The following BRCA1 variants were observed in gnomAD, a reference collection of about 807,000 sequenced individuals.
BRCA1 encodes BRCA1 DNA repair associated.
A neutral mutation model predicts 173.7 loss-of-function variants in BRCA1; 140 were observed. The observed-to-expected ratio is 0.81, with a 90% confidence interval of 0.70 to 0.93. The LOEUF (loss-of-function observed/expected upper bound fraction) is 0.93. Ranked by LOEUF, BRCA1 falls within the 40% of genes least tolerant of loss-of-function variation. The pLI, the probability that BRCA1 is intolerant of heterozygous loss-of-function variation, is 0.00. For missense variants in BRCA1, 1,983 were observed against 2,172.5 expected, an observed-to-expected ratio of 0.91 and a Z score of 1.73; for synonymous variants, 662 against 756.0, an observed-to-expected ratio of 0.88 and a Z score of 2.04.
chr17:43,107,443 C>A (rs2054847825), intron 3 of BRCA1, among the ~76,000 whole-genome samples: 1 of 147,640 alleles, frequency 6.8e-6, no homozygotes, highest in Non-Finnish European at 1.5e-5. Context: ...GGTAGTGACA[C>A]AATCTCAGCT....
rs2055682074 is a variant in BRCA1, at chr17:43,123,416, T to C, written c.80+601A>G. 4.2e-5 allele frequency among the ~76,000 whole-genome samples: 6 copies of C among 143,034 alleles called. No homozygotes were observed. The Admixed American group carries it at 4.3e-4, about 10-fold the overall frequency. 93.8% of individuals were successfully genotyped at this position (143,034 alleles called of 152,430 possible). A position where few individuals can be genotyped will look rare whatever the true frequency, so the allele number is the denominator to read the frequency against. ...CTGTCGCTGGAGTTCAGTGGTGCCA[T>C]ATTGGCTCACAGCAACATCTGCCTC... On this transcript the variant is annotated intron_variant, in intron 2 of 22. Coordinates refer to ENST00000357654, the MANE Select transcript of BRCA1 (RefSeq NM_007294.4).
chr17:43,100,666 A>ATTT (rs1204558486), intron 6 of BRCA1, among the ~76,000 whole-genome samples: 1 of 3,556 alleles, frequency 2.8e-4, no homozygotes, highest in African/African-American at 5.1e-4. Context: ...ACATATATAT[A>ATTT]TATATATATA....
Position 43,091,945 on chromosome 17 carries a change from T to C in BRCA1, c.3586A>G (p.Thr1196Ala). ...LSRSPSPFTHTHLAQGYRRGA... is the reference protein window; with the variant it reads ...LSRSPSPFTHAHLAQGYRRGA... ...CTTCGGTAACCCTGAGCCAAATGTG[T>C]ATGGGTGAAAGGGCTAGGACTCCTG... is the stretch of plus-strand genomic sequence containing the variant. Residue 1196 changes from threonine (T) to alanine (A), a missense_variant, in exon 10 of 23, where the codon ACA becomes GCA. Thr to Ala is a moderately conservative substitution (Grantham distance 58). Coordinates refer to ENST00000357654, the MANE Select transcript of BRCA1 (RefSeq NM_007294.4). 1 of 1,614,098 alleles carries C rather than the reference T, an allele frequency of 6.2e-7. No individual in the cohort carries two copies. The highest frequency in any genetic ancestry group is 1.1e-5 in the South Asian group (1 of 91,080).
chr17:43,140,996 C>G (rs988109668), intron 1 of BRCA1, among the ~76,000 whole-genome samples: 3 of 152,310 alleles, frequency 2.0e-5, no homozygotes, highest in Admixed American at 1.3e-4. Context: ...TAGCTGTTGG[C>G]CTTGTGTCCA....
intron 12 of BRCA1, among the ~76,000 whole-genome samples, chr17:43,079,030 T>C (rs916150382): frequency 5.3e-5 from 8 of 152,096 alleles, no homozygotes; most frequent in Non-Finnish European, 1.2e-4. Context: ...TGAAACCCTG[T>C]CTCTACTAAA....
intron 9 of BRCA1, 41 bp downstream of exon 9, chr17:43,095,794 ATCTACCCACTC>A: frequency 7.1e-7 from 1 of 1,418,340 alleles, no homozygotes; most frequent in Non-Finnish European, 9.9e-7. Flanking sequence ...ACAGTACTGT[ATCTACCCACTC>A]TCTTTTCAGT....
chr17:43,063,200 T>G, intron 18 of BRCA1, 133 bp downstream of exon 18: 1 of 796,438 alleles, frequency 1.3e-6, no homozygotes. Context: ...GCATAATTCT[T>G]GATGATCCTC....
At chr17:43,154,533 C>G (rs1474893141) in intron 1 of BRCA1, among the ~76,000 whole-genome samples, 2 of 151,948 alleles carry the variant, frequency 1.3e-5, no homozygotes, top group Non-Finnish European at 2.9e-5. Context: ...GAGCTAGACT[C>G]TGTCTCAAAA....
chr17:43,157,287 G>A (rs1361514297), intron 1 of BRCA1, among the ~76,000 whole-genome samples: 1 of 152,128 alleles, frequency 6.6e-6, no homozygotes, highest in Non-Finnish European at 1.5e-5. Context: ...TCATGATCAG[G>A]AATCACATAT....
At chr17:43,140,436 C>T (rs2056067335) in intron 1 of BRCA1, 1 of 192,976 alleles carries the variant, frequency 5.2e-6, no homozygotes, top group Non-Finnish European at 9.6e-6. Flanking sequence ...ATAGGTGATG[C>T]TTGGCCTTGC....
In BRCA1 at chr17:43,063,382, A is replaced by AAAAGG. The variant is rs2051874779; in HGVS notation, c.5153-10_5153-9insCCTTT. 1 of 1,609,780 alleles carries AAAAGG rather than the reference A, an allele frequency of 6.2e-7. No homozygotes were observed. The highest frequency in any genetic ancestry group is 1.3e-5 in the African/African-American group (1 of 74,818). ...AATAGACTGGGTCACCCCTAAAGAG[A>AAAAGG]TCATAGAAAAGACAGGTTACATACA... On this transcript the variant is annotated splice_polypyrimidine_tract_variant and intron_variant, in intron 17 of 22. Transcript: ENST00000357654.
At chr17:43,050,338 G>A (rs2051152806) in intron 20 of BRCA1, 1 of 363,576 alleles carries the variant, frequency 2.8e-6, no homozygotes, top group Non-Finnish European at 4.9e-6. Flanking sequence ...GCTGGGCACA[G>A]TGGCTCATGC....
intron 3 of BRCA1, among the ~76,000 whole-genome samples, chr17:43,112,864 C>T (rs539184339): frequency 4.0e-4 from 60 of 151,676 alleles, no homozygotes; most frequent in African/African-American, 1.4e-3. Flanking sequence ...AGTGCAATGG[C>T]GCAATCTCGG....
Position 43,046,924 on chromosome 17 carries a change from C to T in BRCA1, c.5467+719G>A, listed in dbSNP as rs1480133533. ...CCAGGAAAACAGCACTGTAATTTAA[C>T]GATGTGGAAAAATGTATGTAATATC... On this transcript the variant is annotated intron_variant, in intron 22 of 22. Coordinates refer to ENST00000357654, the MANE Select transcript of BRCA1 (RefSeq NM_007294.4). 5.3e-5 allele frequency among the ~76,000 whole-genome samples: 8 copies of T among 151,876 alleles called. 1 individual carries two copies. Among genetic ancestry groups the T allele is most frequent in the South Asian group, 4.2e-4 (2 of 4,810 alleles).
Position 43,093,053 on chromosome 17 carries a change from T to G in BRCA1, c.2478A>C (p.Thr826=). The change falls in exon 10 of 23, where the codon ACA becomes ACC. Residue 826 remains threonine (T), a synonymous_variant. Coordinates refer to ENST00000357654, the MANE Select transcript of BRCA1 (RefSeq NM_007294.4). ...HGCSKDNRND[T]EGFKYPLGHE... ...GTCCCAATGGATACTTAAAGCCTTC[T>G]GTGTCATTTCTATTATCTTTGGAAC... The G allele has an allele frequency of 6.2e-7, 1 of 1,613,944 alleles. No homozygotes were observed. Among genetic ancestry groups the G allele is most frequent in the Non-Finnish European group, 8.5e-7 (1 of 1,180,004 alleles).
chr17:43,051,275 C>T (rs1255897829), intron 19 of BRCA1, among the ~76,000 whole-genome samples, 158 bp from the exon 20 acceptor site: 1 of 152,202 alleles, frequency 6.6e-6, no homozygotes, highest in Non-Finnish European at 1.5e-5. Flanking sequence ...TGCTACTTCC[C>T]AGGGACAAGC....
chr17:43,062,079 A>G (rs1379236252), intron 18 of BRCA1, among the ~76,000 whole-genome samples: 1 of 151,998 alleles, frequency 6.6e-6, no homozygotes, highest in East Asian at 1.9e-4. Context: ...ATATGTATAT[A>G]TGCATATGCA....
At chr17:43,125,398 T>G (rs1380213941), upstream of BRCA1, 3 of 397,148 alleles carry the variant, frequency 7.6e-6, no homozygotes, top group Admixed American at 2.9e-5. Context: ...TTTTAATTTA[T>G]CTGTAATTCC....
rs2056132502 is a variant in BRCA1, at chr17:43,147,691, C to T, written c.-20+22435G>A. 3.3e-5 allele frequency among the ~76,000 whole-genome samples: 5 copies of T among 152,292 alleles called. No homozygotes were observed. In the South Asian group the frequency reaches 1.0e-3, roughly 32 times the overall value. On this transcript the variant is annotated intron_variant, in intron 1 of 7. Coordinates refer to the BRCA1 transcript ENST00000634433. ...CAGTAAGATGAGAAAGTACTGTTTG[C>T]TCAGTTCTAGGATCCATGAAATAAA...
Sources: allele counts gnomAD v4.1 joint callset (sites outside exome capture counted in the v4.1 genomes callset), GRCh38; gene constraint gnomAD v4.1.1; transcripts MANE v1.5; gene names NCBI Gene and HGNC (gene_info 2026-07-23, HGNC 2026-07-21).